The following ARHGAP24 variants were observed in gnomAD, a reference collection of about 807,000 sequenced individuals.
ARHGAP24 encodes Rho GTPase activating protein 24.
Under a neutral mutation model 76.4 loss-of-function variants are expected in ARHGAP24, and 50 were observed. The observed-to-expected ratio is 0.65, with a 90% CI of 0.52 to 0.83. The LOEUF (loss-of-function observed/expected upper bound fraction) is 0.83, where lower values mean the gene tolerates loss of function less well. Among genes scored for constraint, ARHGAP24 ranks in the 40% least tolerant of loss-of-function variants. The pLI, the probability that ARHGAP24 is intolerant of heterozygous loss-of-function variation, is 0.00. For synonymous variants in ARHGAP24, 345 were observed against 323.3 expected (o/e 1.07, Z -0.72); for missense variants, 930 against 914.2 (o/e 1.02, Z -0.22).
At chr4:85,731,003 C>G (rs995008275) in intron 3 of ARHGAP24, among the ~76,000 whole-genome samples, 1 of 129,002 alleles carries the variant, frequency 7.8e-6, no homozygotes, top group Non-Finnish European at 1.6e-5. Context: ...CACACACACA[C>G]ACACACACAC....
intron 3 of ARHGAP24, among the ~76,000 whole-genome samples, chr4:85,758,418 T>C (rs1354211668): frequency 6.6e-6 from 1 of 152,132 alleles, no homozygotes; most frequent in Non-Finnish European, 1.5e-5. Context: ...GGGTGACTTG[T>C]AGACAATAGA....
At chr4:85,886,592 A>G (rs1178830052) in intron 3 of ARHGAP24, among the ~76,000 whole-genome samples, 2 of 152,144 alleles carry the variant, frequency 1.3e-5, no homozygotes, top group African/African-American at 4.8e-5. Context: ...TTTAGTGTTT[A>G]TTTTCTAAAT....
At chr4:85,849,029 A>G (rs1378797541) in intron 3 of ARHGAP24, among the ~76,000 whole-genome samples, 1 of 149,750 alleles carries the variant, frequency 6.7e-6, no homozygotes, top group Admixed American at 6.7e-5. Flanking sequence ...TCTGTAAATT[A>G]CCTTGGGCAG....
rs111792572 is a variant in ARHGAP24 at position 85,523,414 on chromosome 4, A to T, written c.-20-47108A>T. Among the ~76,000 whole-genome samples, 1,482 of 152,236 alleles carry T rather than the reference A, an allele frequency of 9.7e-3. 14 individuals are homozygous for T. The highest frequency in any genetic ancestry group is 0.019 in the East Asian group (96 of 5,176). Reference sequence around the variant, plus strand: ...TCATTGCCGTCTATTGGTAAGTCTCAAAGAAGGTAGATCAATTTTAGATAT... The same window carrying T: ...TCATTGCCGTCTATTGGTAAGTCTCTAAGAAGGTAGATCAATTTTAGATAT... On this transcript the variant is annotated intron_variant, in intron 1 of 9. Transcript: ENST00000395184.
At chr4:85,761,345 C>A (rs1033062212) in intron 3 of ARHGAP24, among the ~76,000 whole-genome samples, 1 of 152,192 alleles carries the variant, frequency 6.6e-6, no homozygotes, top group Middle Eastern at 3.2e-3. Flanking sequence ...ACTGTGGACT[C>A]AGTAGCTGAG....
chr4:85,823,573 A>T (rs924966341), intron 3 of ARHGAP24, among the ~76,000 whole-genome samples: 9 of 152,008 alleles, frequency 5.9e-5, no homozygotes. Context: ...CACTGTTATC[A>T]CTCAGCTCAG....
intron 1 of ARHGAP24, among the ~76,000 whole-genome samples, chr4:85,495,185 A>G (rs573340801): frequency 6.6e-6 from 1 of 151,808 alleles, no homozygotes; most frequent in South Asian, 2.1e-4. Context: ...CATGACCTAT[A>G]AATGACCGAG....
chr4:85,649,490 T>C (rs1721853128), intron 2 of ARHGAP24, among the ~76,000 whole-genome samples: 1 of 152,078 alleles, frequency 6.6e-6, no homozygotes, highest in Admixed American at 6.6e-5. Flanking sequence ...ACAGCCCCCT[T>C]CATTAACGGC....
chr4:85,612,283 G>A (rs1369643318), intron 2 of ARHGAP24, among the ~76,000 whole-genome samples: 1 of 152,038 alleles, frequency 6.6e-6, no homozygotes, highest in East Asian at 1.9e-4. Context: ...TGGGCGTGGT[G>A]GTGGGCGCCT....
At chr4:85,489,392 A>G (rs1235355062) in intron 1 of ARHGAP24, among the ~76,000 whole-genome samples, 1 of 152,212 alleles carries the variant, frequency 6.6e-6, no homozygotes, top group Admixed American at 6.5e-5. Flanking sequence ...TTGCAGTCCC[A>G]TCCTTGACTG....
chr4:85,651,501 A>G (rs1488905510), intron 2 of ARHGAP24, among the ~76,000 whole-genome samples: 1 of 149,078 alleles, frequency 6.7e-6, no homozygotes, highest in African/African-American at 2.6e-5. Flanking sequence ...GTACCTCCTA[A>G]GTGGAAAATT....
chr4:85,600,383 A>G (rs1253946044), intron 2 of ARHGAP24, among the ~76,000 whole-genome samples: 1 of 152,218 alleles, frequency 6.6e-6, no homozygotes, highest in Non-Finnish European at 1.5e-5. Context: ...TTATGTTTAA[A>G]TAATTCACTG....
intron 4 of ARHGAP24, among the ~76,000 whole-genome samples, chr4:85,925,930 T>C (rs2148813544): frequency 6.6e-6 from 1 of 152,282 alleles, no homozygotes; most frequent in African/African-American, 2.4e-5. Context: ...TTTCTGGAAT[T>C]CCTGAGTTCA....
chr4:85,862,248 A>G (rs1190907825), intron 3 of ARHGAP24, among the ~76,000 whole-genome samples: 1 of 152,070 alleles, frequency 6.6e-6, no homozygotes, highest in Non-Finnish European at 1.5e-5. Context: ...CAGCAGATTC[A>G]TAGAGACTCC....
At chr4:85,944,884 G>A (rs1351573781) in intron 5 of ARHGAP24, among the ~76,000 whole-genome samples, 1 of 151,524 alleles carries the variant, frequency 6.6e-6, no homozygotes, top group Non-Finnish European at 1.5e-5. Flanking sequence ...TTTCATTCTT[G>A]TTGCCCAGGC....
chr4:85,534,262 A>C (rs1725378501), intron 1 of ARHGAP24, among the ~76,000 whole-genome samples: 1 of 149,826 alleles, frequency 6.7e-6, no homozygotes, highest in African/African-American at 2.4e-5. Flanking sequence ...AAAGAAAAAT[A>C]AGGATTATTG....
rs533159079 is a variant in ARHGAP24, at chr4:85,569,553, C to G, written c.-20-969C>G. On this transcript the variant is annotated intron_variant, in intron 1 of 9. Coordinates refer to ENST00000395184, the MANE Select transcript of ARHGAP24 (RefSeq NM_001025616.3). ...CTTGCTTATGTATAGGTAGTATGGC[C>G]GTATACTCCTTCACACATAACCTTA... is the stretch of plus-strand genomic sequence containing the variant. Among the ~76,000 whole-genome samples, 6 of 152,158 alleles carry G rather than the reference C, an allele frequency of 3.9e-5. No homozygotes were observed. In the South Asian group the frequency reaches 1.2e-3, roughly 32 times the overall value.
chr4:85,537,199 C>T (rs1171821054), intron 1 of ARHGAP24, among the ~76,000 whole-genome samples: 2 of 152,030 alleles, frequency 1.3e-5, no homozygotes, highest in African/African-American at 2.4e-5. Context: ...CAATTCTGGG[C>T]TGTACACGAA....
At chr4:85,798,548 C>G (rs1023137109) in intron 3 of ARHGAP24, among the ~76,000 whole-genome samples, 8 of 152,186 alleles carry the variant, frequency 5.3e-5, no homozygotes, top group Non-Finnish European at 1.2e-4. Context: ...CATGTAAAAA[C>G]TTGCAAAACT....
Sources: gnomAD v4.1 joint callset for allele counts (sites outside exome capture counted in the v4.1 genomes callset) on GRCh38, gnomAD v4.1.1 for gene constraint, MANE v1.5 for transcripts, NCBI Gene and HGNC (gene_info 2026-07-23, HGNC 2026-07-21) for gene names.